Variants in QTMAN observed in about 807,000 individuals in gnomAD.
The protein encoded by QTMAN is tRNA-queuosine alpha-mannosyltransferase.
At chr2:144,133,385 A>AAT in the QTMAN span, among the ~76,000 whole-genome samples, 2 of 40,412 alleles carry the variant, frequency 4.9e-5, no homozygotes, top group Non-Finnish European at 1.0e-4. Flanking sequence ...ATAATAATAT[A>AAT]ATATATATTA....
At chr2:144,322,884 A>G in the QTMAN span, among the ~76,000 whole-genome samples, 1 of 152,212 alleles carries the variant, frequency 6.6e-6, no homozygotes, top group African/African-American at 2.4e-5. Flanking sequence ...ACAATTCATC[A>G]TATAATAGCA....
chr2:144,091,867 A>G, the QTMAN span, among the ~76,000 whole-genome samples: 3 of 152,192 alleles, frequency 2.0e-5, no homozygotes, highest in Non-Finnish European at 4.4e-5. Context: ...AGAATGGACT[A>G]TTAGACACCA....
the QTMAN span, among the ~76,000 whole-genome samples, chr2:144,155,823 C>T: frequency 1.3e-5 from 2 of 151,760 alleles, no homozygotes; most frequent in African/African-American, 4.8e-5. Flanking sequence ...AATATTATGA[C>T]ACTATAATAA....
At chr2:143,952,883 A>G in the QTMAN span, 4 of 1,211,294 alleles carry the variant, frequency 3.3e-6, no homozygotes, top group African/African-American at 1.5e-5. Context: ...TATATTAAAA[A>G]GACATTACCA....
the QTMAN span, among the ~76,000 whole-genome samples, chr2:144,110,676 T>A: frequency 1.5e-5 from 2 of 132,236 alleles, no homozygotes; most frequent in Admixed American, 8.0e-5. Flanking sequence ...AAGAGAAAAA[T>A]CGACCCCCCC....
At chr2:144,151,135 T>G in the QTMAN span, among the ~76,000 whole-genome samples, 3 of 152,294 alleles carry the variant, frequency 2.0e-5, no homozygotes, top group South Asian at 6.2e-4. Context: ...AAATCTTATA[T>G]GTACATTAGG....
At chr2:143,998,641 G>C in the QTMAN span, among the ~76,000 whole-genome samples, 1 of 152,040 alleles carries the variant, frequency 6.6e-6, no homozygotes, top group Non-Finnish European at 1.5e-5. Context: ...TTAACACCTG[G>C]ATTATGGTGG....
At chr2:144,009,398 C>T in the QTMAN span, among the ~76,000 whole-genome samples, 1 of 152,020 alleles carries the variant, frequency 6.6e-6, no homozygotes, top group Non-Finnish European at 1.5e-5. Context: ...AAAGCAAGGG[C>T]TGATAGGCAA....
At chr2:144,080,690 TA>T in the QTMAN span, among the ~76,000 whole-genome samples, 7 of 152,168 alleles carry the variant, frequency 4.6e-5, no homozygotes, top group Non-Finnish European at 1.0e-4. Context: ...GAACATAGAC[TA>T]AAAACTACTT....
chr2:144,108,262 A>G, the QTMAN span, among the ~76,000 whole-genome samples: 1 of 152,204 alleles, frequency 6.6e-6, no homozygotes, highest in African/African-American at 2.4e-5. Flanking sequence ...CAGGGCAATC[A>G]GGCAGGAGAA....
the QTMAN span, among the ~76,000 whole-genome samples, chr2:143,966,591 C>T: frequency 6.6e-6 from 1 of 152,186 alleles, no homozygotes; most frequent in African/African-American, 2.4e-5. Context: ...TATCTACTGC[C>T]CATCTCACCC....
chr2:144,247,767 G>A, the QTMAN span, among the ~76,000 whole-genome samples: 15 of 152,134 alleles, frequency 9.9e-5, no homozygotes, highest in East Asian at 3.9e-4. Flanking sequence ...TTGACTTCCC[G>A]GGCTCAGGAG....
At chr2:144,143,493 AAG>A in the QTMAN span, among the ~76,000 whole-genome samples, 1 of 151,924 alleles carries the variant, frequency 6.6e-6, no homozygotes, top group African/African-American at 2.4e-5. Context: ...AATGAACAAA[AAG>A]AGTGTTGGCC....
At chr2:144,293,526 AGACAAGGATAGATTT>A in the QTMAN span, among the ~76,000 whole-genome samples, 4 of 152,166 alleles carry the variant, frequency 2.6e-5, no homozygotes, top group African/African-American at 9.7e-5. Context: ...AAGGCTCTAA[AGACAAGGATAGATTT>A]GAACATAACT....
At chr2:144,102,036 A>T in the QTMAN span, among the ~76,000 whole-genome samples, 1 of 152,216 alleles carries the variant, frequency 6.6e-6, no homozygotes, top group Non-Finnish European at 1.5e-5. Flanking sequence ...ACCCCTTGTG[A>T]TCACCTAGTT....
chr2:144,124,327 C>T, the QTMAN span, among the ~76,000 whole-genome samples: 2 of 152,144 alleles, frequency 1.3e-5, no homozygotes, highest in African/African-American at 4.8e-5. Context: ...AATGGGACTA[C>T]AGGCAAATTA....
the QTMAN span, among the ~76,000 whole-genome samples, chr2:144,181,468 A>C: frequency 6.6e-6 from 1 of 152,210 alleles, no homozygotes; most frequent in Non-Finnish European, 1.5e-5. Context: ...AACTAAGATC[A>C]CTAATAAGCT....
chr2:144,291,596 ATT>A, the QTMAN span, among the ~76,000 whole-genome samples: 1 of 152,176 alleles, frequency 6.6e-6, no homozygotes, highest in African/African-American at 2.4e-5. Context: ...ATATCACTTA[ATT>A]CTGGATCCCT....
At chr2:144,196,297 ATTTC>A in the QTMAN span, among the ~76,000 whole-genome samples, 6 of 151,952 alleles carry the variant, frequency 3.9e-5, no homozygotes, top group Admixed American at 3.3e-4. Flanking sequence ...TTATGAAAAT[ATTTC>A]TCATTGTATT....
Sources: allele counts gnomAD v4.1 joint callset (sites outside exome capture counted in the v4.1 genomes callset), GRCh38; gene constraint gnomAD v4.1.1; transcripts MANE v1.5; gene names NCBI Gene and HGNC (gene_info 2026-07-23, HGNC 2026-07-21).